Variants in SGTB observed in about 807,000 individuals in gnomAD.
SGTB encodes the protein small glutamine-rich tetratricopeptide repeat-containing protein beta.
SGTB carries 19 observed loss-of-function variants against 43.9 expected under a neutral mutation model. The ratio of observed to expected loss-of-function variants is 0.43; its 90% CI spans 0.30 to 0.63. SGTB has a LOEUF of 0.63. Ranked by LOEUF, SGTB falls within the 30% of genes least tolerant of loss-of-function variation. The pLI is 0.12. For synonymous variants in SGTB, 116 were observed against 117.3 expected (o/e 0.99, Z 0.07); for missense variants, 304 against 358.9 (o/e 0.85, Z 1.24).
intron 5 of SGTB, among the ~76,000 whole-genome samples, chr5:65,693,094 T>C (rs1757643603): frequency 1.3e-5 from 2 of 151,984 alleles, no homozygotes; most frequent in Admixed American, 6.6e-5. Flanking sequence ...CTCAGGAGAC[T>C]GAGGCATGAG....
chr5:65,677,309 A>C (rs1490685168), intron 8 of SGTB, among the ~76,000 whole-genome samples: 1 of 151,202 alleles, frequency 6.6e-6, no homozygotes, highest in African/African-American at 2.4e-5. Context: ...TAAACCAATA[A>C]TGAGTTCTGA....
At chr5:65,713,398 T>C (rs1283962844) in intron 2 of SGTB, among the ~76,000 whole-genome samples, 1 of 152,128 alleles carries the variant, frequency 6.6e-6, no homozygotes, top group Non-Finnish European at 1.5e-5. Flanking sequence ...TATAGCTCAC[T>C]GTTGCCTTGA....
chr5:65,707,953 C>T (rs1410067206), intron 4 of SGTB, among the ~76,000 whole-genome samples: 3 of 152,174 alleles, frequency 2.0e-5, no homozygotes, highest in African/African-American at 7.2e-5. Context: ...TATAGCTTAA[C>T]ATAGCTGACA....
intron 5 of SGTB, among the ~76,000 whole-genome samples, chr5:65,693,417 G>A (rs931719788): frequency 1.3e-5 from 2 of 148,156 alleles, no homozygotes; most frequent in African/African-American, 5.1e-5. Flanking sequence ...GAAGGAAGGA[G>A]AGAGAGAGGG....
At chr5:65,705,864 CAAA>C (rs34082119) in intron 4 of SGTB, among the ~76,000 whole-genome samples, 7 of 125,884 alleles carry the variant, frequency 5.6e-5, no homozygotes, top group South Asian at 5.0e-4. Flanking sequence ...CCTATCTCTA[CAAA>C]AAAAAAAAAA....
At position 65,691,863 on chromosome 5, in the gene SGTB, G is replaced by A. The variant is rs960571036; in HGVS notation, c.375-6391C>T. 7.9e-5 allele frequency among the ~76,000 whole-genome samples: 12 copies of A among 151,112 alleles called. No individual in the cohort carries two copies. In the South Asian group the frequency reaches 2.3e-3, roughly 29 times the overall value. ...GGAGAATGGCGTGAACCCGGGAGGC[G>A]GAGCTTGCAGTGAGCCGAGATCGCG... On this transcript the variant is annotated intron_variant, in intron 5 of 10. Coordinates refer to ENST00000381007, the MANE Select transcript of SGTB (RefSeq NM_019072.3).
chr5:65,678,894 T>C (rs1757334534), intron 8 of SGTB, among the ~76,000 whole-genome samples: 1 of 152,104 alleles, frequency 6.6e-6, no homozygotes, highest in Non-Finnish European at 1.5e-5. Context: ...ATAAGAACTC[T>C]ATAAACCGAG....
Position 65,672,298 on chromosome 5 carries a change from G to T in SGTB, c.682-17C>A, listed in dbSNP as rs896941064. 1 of 1,613,702 alleles carries T rather than the reference G, an allele frequency of 6.2e-7. No homozygotes were observed. The highest frequency in any genetic ancestry group is 2.2e-5 in the East Asian group (1 of 44,886). On this transcript the variant is annotated splice_polypyrimidine_tract_variant and intron_variant, in intron 8 of 10. Transcript: ENST00000381007. ...ACTTGCCGCCTGGAATTGAAAAACAGCACCTCCCATTAAAGGCAGTTAATA... is the reference window on the plus strand; with the variant it reads ...ACTTGCCGCCTGGAATTGAAAAACATCACCTCCCATTAAAGGCAGTTAATA...
intron 1 of SGTB, 95 bp from the exon 2 acceptor site, chr5:65,720,924 A>T: frequency 7.6e-7 from 1 of 1,317,570 alleles, no homozygotes; most frequent in Non-Finnish European, 1.0e-6. Context: ...TATAAAGTGT[A>T]TTAAAGGTAA....
In SGTB at chr5:65,669,647, A is replaced by G. The variant is rs907352191; in HGVS notation, c.*599T>C. 1 of 152,624 alleles carries G rather than the reference A, an allele frequency of 6.6e-6. No individual in the cohort carries two copies. Among genetic ancestry groups the G allele is most frequent in the African/African-American group, 2.4e-5 (1 of 41,454 alleles). 9.5% of individuals were successfully genotyped at this position (152,624 alleles called of 1,614,324 possible). A position where few individuals can be genotyped will look rare whatever the true frequency, so the allele number is the denominator to read the frequency against. ...CAAAACATCCCTTGCATCAAGTGCT[A>G]CTTTCTAACAGCTCTTAAGATTCTC... On this transcript the variant is annotated 3_prime_UTR_variant, in exon 11 of 11. Transcript: ENST00000381007.
upstream of SGTB, chr5:65,722,644 G>A: frequency 1.9e-6 from 1 of 523,390 alleles, no homozygotes. Context: ...TCTTTGTTTG[G>A]GACTGCCTCA....
At chr5:65,713,745 C>T (rs1424515818) in intron 2 of SGTB, among the ~76,000 whole-genome samples, 1 of 152,162 alleles carries the variant, frequency 6.6e-6, no homozygotes, top group Non-Finnish European at 1.5e-5. Flanking sequence ...ACAACTTACT[C>T]AGCCAAGTGT....
At chr5:65,673,570 C>A (rs898333866) in intron 8 of SGTB, among the ~76,000 whole-genome samples, 1 of 152,138 alleles carries the variant, frequency 6.6e-6, no homozygotes, top group Non-Finnish European at 1.5e-5. Flanking sequence ...CTGCCCCTAC[C>A]CCCTACACCC....
chr5:65,668,466 A>C lies in SGTB; in HGVS notation c.*1780T>G, dbSNP rs2150699743. On this transcript the variant is annotated 3_prime_UTR_variant, in exon 11 of 11. Transcript: ENST00000381007. ...CCATTAAAAACAAAAATTAGCGGCC[A>C]GGCACGGTGGCTCACGCCTGTAATC... 6.6e-6 allele frequency: 1 copy of C among 152,086 alleles called. No homozygotes were observed. Among genetic ancestry groups the C allele is most frequent in the South Asian group, 2.1e-4 (1 of 4,802 alleles). 9.4% of individuals were successfully genotyped at this position (152,086 alleles called of 1,614,324 possible).
intron 5 of SGTB, among the ~76,000 whole-genome samples, chr5:65,693,201 CGGGAAGGGAA>C (rs539854837): frequency 1.5e-5 from 2 of 137,834 alleles, no homozygotes; most frequent in East Asian, 2.1e-4. Flanking sequence ...CAGGATGGGA[CGGGAAGGGAA>C]GGGAAGGGAA....
chr5:65,720,761 C>T lies in SGTB; in HGVS notation c.47G>A (p.Arg16Gln). ...HLVYAVIRFL[R>Q]EQSQMDTYTS... ...GTAAGTGTCCATCTGACTTTGTTCC[C>T]GTAAGAAACGAATAACTGCATAAAC... The change falls in exon 2 of 11, where the codon CGG becomes CAG. Residue 16 changes from arginine (R) to glutamine (Q), a missense_variant. Transcript: ENST00000381007. 1 of 1,613,878 alleles carries T rather than the reference C, an allele frequency of 6.2e-7. No homozygotes were observed.
chr5:65,707,656 ATCT>A (rs1433615077), intron 4 of SGTB, among the ~76,000 whole-genome samples: 2 of 151,996 alleles, frequency 1.3e-5, no homozygotes, highest in African/African-American at 4.8e-5. Context: ...GATGGTCTTG[ATCT>A]CCTGACCTTG....
chr5:65,719,896 T>C (rs1240469886), intron 2 of SGTB, among the ~76,000 whole-genome samples: 2 of 152,148 alleles, frequency 1.3e-5, no homozygotes, highest in Non-Finnish European at 2.9e-5. Context: ...GTATAATTAT[T>C]AGACTTTTAC....
intron 3 of SGTB, 60 bp downstream of exon 3, chr5:65,712,901 A>T: frequency 7.4e-7 from 1 of 1,345,028 alleles, no homozygotes; most frequent in Non-Finnish European, 1.1e-6. Flanking sequence ...GCTATTAACA[A>T]TCTATTAACA....
Sources: gnomAD v4.1 joint callset for allele counts (sites outside exome capture counted in the v4.1 genomes callset) on GRCh38, gnomAD v4.1.1 for gene constraint, MANE v1.5 for transcripts, NCBI Gene and HGNC (gene_info 2026-07-23, HGNC 2026-07-21) for gene names.